MXRA5: variants seen among roughly 807,000 people sequenced by gnomAD.
The protein encoded by MXRA5 is matrix remodeling associated 5.
MXRA5 carries 41 observed loss-of-function variants against 112.5 expected under a neutral mutation model. The ratio of observed to expected loss-of-function variants is 0.36; its 90% CI spans 0.28 to 0.47. The LOEUF is 0.47. Ranked by LOEUF, MXRA5 falls within the 20% of genes least tolerant of loss-of-function variation. The pLI, the probability that MXRA5 is intolerant of heterozygous loss-of-function variation, is 0.99. For synonymous variants in MXRA5, 862 were observed against 900.8 expected (o/e 0.96, Z 0.77); for missense variants, 2,150 against 2,251.0 (o/e 0.96, Z 0.91).
intron 2 of MXRA5, among the ~76,000 whole-genome samples, chrX:3,339,382 A>G (rs1262956906): frequency 9.0e-6 from 1 of 110,729 alleles, no homozygotes; most frequent in Non-Finnish European, 1.9e-5. Flanking sequence ...CTCCTGCCTC[A>G]GCCTCCCAAG....
In MXRA5 at chrX:3,310,027, C is replaced by T. The variant is rs751116524; in HGVS notation, c.8176G>A (p.Val2726Met). The T allele has an allele frequency of 6.6e-6, 8 of 1,211,356 alleles. No individual in the cohort carries two copies. Among genetic ancestry groups the T allele is most frequent in the South Asian group, 5.3e-5 (3 of 56,908 alleles). ...EYGPSVTSIP[V>M]IVIAYPPRIT... ...CGGGGAGGATAGGCGATCACAATCA[C>T]GGGGATGCTGGTGACCGAAGGGCCG... The change falls in exon 7 of 7, where the codon GTG becomes ATG. Residue 2726 changes from valine to methionine, a missense_variant. By Grantham distance (21) the Val-to-Met change is conservative (BLOSUM62 1). Around this residue, in one of 6 missense-constraint regions of MXRA5, gnomAD observed 178 missense variants for 198.2 expected, o/e 0.90. Coordinates refer to ENST00000217939, the MANE Select transcript of MXRA5 (RefSeq NM_015419.4).
At position 3,317,885 on chromosome X, in the gene MXRA5, G is replaced by T. The variant is rs745307977; in HGVS notation, c.5796C>A (p.Asn1932Lys). 2.3e-5 allele frequency: 28 copies of T among 1,209,483 alleles called. No individual in the cohort carries two copies. Among genetic ancestry groups the T allele is most frequent in the Non-Finnish European group, 3.0e-5 (27 of 895,141 alleles). The change falls in exon 6 of 7, where the codon AAC becomes AAA. Residue 1932 changes from asparagine to lysine, a missense_variant. Asn to Lys is a moderately conservative substitution (Grantham distance 94). Transcript: ENST00000217939. ...CCACCATCCTGTCCAGGCCGTGCAG[G>T]TTGCTGGCGGTGCACATATACTGGC... ...DRGQYMCTAS[N>K]LHGLDRMVVL...
intron 6 of MXRA5, among the ~76,000 whole-genome samples, chrX:3,314,615 T>C (rs932569000): frequency 1.8e-5 from 2 of 110,792 alleles, no homozygotes; most frequent in African/African-American, 6.6e-5. Context: ...TAAGCAGGTA[T>C]ATAGATAGAC....
At chrX:3,345,542 C>T (rs1384959515) in intron 1 of MXRA5, among the ~76,000 whole-genome samples, 1 of 112,900 alleles carries the variant, frequency 8.9e-6, no homozygotes, top group Non-Finnish European at 1.9e-5. Context: ...CCCTGTCCGG[C>T]CTCCCACCCC....
In MXRA5 at chrX:3,343,893, T is replaced by C. The variant is rs776543780; in HGVS notation, c.-28-32A>G. 64 of 1,125,012 alleles carry C rather than the reference T, an allele frequency of 5.7e-5. No homozygotes were observed. In the East Asian group the frequency reaches 1.9e-3, roughly 34 times the overall value. 92.7% of individuals were successfully genotyped at this position (1,125,012 alleles called of 1,213,427 possible). On this transcript the variant is annotated intron_variant, in intron 1 of 6. Coordinates refer to ENST00000217939, the MANE Select transcript of MXRA5 (RefSeq NM_015419.4). The stretch of plus-strand genomic sequence containing the variant: ...TAGAACAACGAAGAGATGAGCTTAT[T>C]CACAGGTAGCACCGACGAACTGTGG...
At chrX:3,341,658 T>A (rs1435743481) in intron 2 of MXRA5, among the ~76,000 whole-genome samples, 1 of 72,581 alleles carries the variant, frequency 1.4e-5, no homozygotes, top group Non-Finnish European at 2.5e-5. Context: ...ATATAATATG[T>A]ATATTTACAT....
rs1371587154 is a variant in MXRA5, at chrX:3,309,450, G to A, written c.*266C>T. The A allele has an allele frequency of 5.7e-6, 2 of 352,361 alleles. No homozygotes were observed. Among genetic ancestry groups the A allele is most frequent in the Non-Finnish European group, 9.7e-6 (2 of 205,932 alleles). The allele number at this position is 352,361 out of a possible 1,213,427, so 29.0% of individuals were successfully genotyped here. ...CATTTGCAAAAAAAGAAAAATTGCAGTCAGAGCACAGACACCCTGAATGAA... is the reference window on the plus strand; with the variant it reads ...CATTTGCAAAAAAAGAAAAATTGCAATCAGAGCACAGACACCCTGAATGAA... On this transcript the variant is annotated 3_prime_UTR_variant, in exon 7 of 7. Coordinates refer to ENST00000217939, the MANE Select transcript of MXRA5 (RefSeq NM_015419.4).
intron 2 of MXRA5, among the ~76,000 whole-genome samples, chrX:3,338,383 A>G (rs1184757113): frequency 9.0e-6 from 1 of 111,042 alleles, no homozygotes; most frequent in South Asian, 3.8e-4. Flanking sequence ...ATAGATAGAT[A>G]GATAGACAGA....
Position 3,323,423 on chromosome X carries a change from T to C in MXRA5, c.2262A>G (p.Pro754=). 3 of 1,212,136 alleles carry C rather than the reference T, an allele frequency of 2.5e-6. No individual in the cohort carries two copies. The highest frequency in any genetic ancestry group is 3.3e-6 in the Non-Finnish European group (3 of 895,628). The change falls in exon 5 of 7, where the codon CCA becomes CCG. Residue 754 remains proline, a synonymous_variant. Coordinates refer to ENST00000217939, the MANE Select transcript of MXRA5 (RefSeq NM_015419.4). The part of the protein sequence containing the change: ...LKLWKHSEKE[P]ETNVAEGRRV... Reference sequence around the variant, plus strand: ...TGCGACCTTCTGCAACATTGGTCTCTGGTTCTTTTTCCGAATGCTTCCAGA... The same window carrying C: ...TGCGACCTTCTGCAACATTGGTCTCCGGTTCTTTTTCCGAATGCTTCCAGA...
In MXRA5 at chrX:3,321,203, C is replaced by A. The variant is rs141389620; in HGVS notation, c.4482G>T (p.Ser1494=). ...AAGACATGAGAATTGTGGATGGGGA[C>A]GAGGATGCTGGCTCCTTCATCCGGG... The part of the protein sequence containing the change: ...TAARMKEPAS[S]SPSTILMSLG... Residue 1494 remains serine, a synonymous_variant, in exon 5 of 7, where the codon TCG becomes TCT. Coordinates refer to ENST00000217939, the MANE Select transcript of MXRA5 (RefSeq NM_015419.4). The A allele has an allele frequency of 2.1e-5, 26 of 1,209,455 alleles. No individual in the cohort carries two copies. The African/African-American group carries it at 3.9e-4, about 18-fold the overall frequency.
intron 2 of MXRA5, among the ~76,000 whole-genome samples, chrX:3,331,555 T>C (rs1159285918): frequency 1.8e-5 from 2 of 112,031 alleles, no homozygotes; most frequent in Non-Finnish European, 3.8e-5. Flanking sequence ...GACAGCTCCA[T>C]GCTAAAGGCC....
chrX:3,315,381 G>GA (rs1209987991), intron 6 of MXRA5, among the ~76,000 whole-genome samples: 5 of 37,447 alleles, frequency 1.3e-4, no homozygotes, highest in African/African-American at 6.3e-4. Context: ...AGAATAGATA[G>GA]ATAGATAGAT....
chrX:3,330,540 A>G, intron 3 of MXRA5, 104 bp downstream of exon 3: 2 of 1,126,057 alleles, frequency 1.8e-6, no homozygotes, highest in Non-Finnish European at 2.4e-6. Flanking sequence ...ATGTCAAACA[A>G]TAGCCGTTTT....
At chrX:3,336,444 G>A (rs778237960) in intron 2 of MXRA5, among the ~76,000 whole-genome samples, 9 of 111,855 alleles carry the variant, frequency 8.0e-5, no homozygotes, top group Admixed American at 2.9e-4. Context: ...GCTGGGGACC[G>A]CTGATCTATT....
chrX:3,327,954 C>G (rs750011481), intron 4 of MXRA5, among the ~76,000 whole-genome samples: 1 of 113,020 alleles, frequency 8.8e-6, no homozygotes, highest in East Asian at 2.8e-4. Context: ...GACATGCATG[C>G]GTATCTCCAG....
In MXRA5 at chrX:3,317,180, G is replaced by T. The variant is rs1432863098; in HGVS notation, c.6501C>A (p.Asp2167Glu). Residue 2167 changes from aspartate to glutamate, a missense_variant, in exon 6 of 7, where the codon GAC (aspartate) becomes GAA (glutamate). Transcript: ENST00000217939. Reference sequence around the variant, plus strand: ...GCCAGGGGTCCCCCGAGGCGCTGCAGTCCAGCTTGAGGGTTCCTCCGTACC... The same window carrying T: ...GCCAGGGGTCCCCCGAGGCGCTGCATTCCAGCTTGAGGGTTCCTCCGTACC... ...DVRYGGTLKL[D>E]CSASGDPWPR... 1.7e-6 allele frequency: 2 copies of T among 1,209,457 alleles called. No homozygotes were observed. Among genetic ancestry groups the T allele is most frequent in the Non-Finnish European group, 2.2e-6 (2 of 894,550 alleles).
chrX:3,338,623 G>T (rs190809801), intron 2 of MXRA5, among the ~76,000 whole-genome samples: 1 of 109,643 alleles, frequency 9.1e-6, no homozygotes, highest in East Asian at 2.9e-4. Context: ...TAGATAGGTA[G>T]ATTAATAGAT....
rs369503229 is a variant in MXRA5, at chrX:3,320,766, C to T, written c.4919G>A (p.Arg1640His). Residue 1640 changes from arginine (R) to histidine (H), a missense_variant, in exon 5 of 7, where the codon CGT (arginine) becomes CAT (histidine). Physicochemically the swap from Arg to His is conservative, Grantham distance 29. This residue lies in a region of MXRA5 where 1,485 missense variants were observed against 1,471.6 expected (regional missense o/e 1.01). Transcript: ENST00000217939. ...SRYFVTSQSP[R>H]HWTNKPEITT... Reference sequence around the variant, plus strand: ...TATTTCCGGTTTGTTGGTCCAGTGACGAGGTGACTGGGAAGTTACAAAGTA... The same window carrying T: ...TATTTCCGGTTTGTTGGTCCAGTGATGAGGTGACTGGGAAGTTACAAAGTA... 1.7e-5 allele frequency: 21 copies of T among 1,210,395 alleles called. No individual in the cohort carries two copies. In the South Asian group the frequency reaches 2.5e-4, roughly 14 times the overall value.
intron 2 of MXRA5, among the ~76,000 whole-genome samples, chrX:3,332,510 C>A (rs1355723214): frequency 6.2e-5 from 7 of 112,321 alleles, no homozygotes; most frequent in African/African-American, 2.3e-4. Context: ...TCCCAAAGTG[C>A]TGGGATTACA....
Sources: allele counts gnomAD v4.1 joint callset (sites outside exome capture counted in the v4.1 genomes callset), GRCh38; gene constraint gnomAD v4.1.1; regional missense constraint gnomAD v4.1.1; transcripts MANE v1.5; gene names NCBI Gene and HGNC (gene_info 2026-07-23, HGNC 2026-07-21).